Variants in EPHA3 observed in about 807,000 individuals in gnomAD.
EPHA3 encodes ephrin type-A receptor 3.
Under a neutral mutation model 107.1 loss-of-function variants are expected in EPHA3, and 42 were observed. That is an observed-to-expected ratio of 0.39 (90% CI 0.31 to 0.51). The LOEUF is 0.51. EPHA3 is among the 20% of genes least tolerant of loss of function. EPHA3 has a pLI of 0.78. For missense variants in EPHA3, 1,183 were observed against 1,211.2 expected (o/e 0.98, Z 0.35); for synonymous variants, 461 against 424.8 (o/e 1.09, Z -1.05).
chr3:89,451,715 T>G (rs1440903768), intron 15 of EPHA3, among the ~76,000 whole-genome samples: 7 of 152,184 alleles, frequency 4.6e-5, no homozygotes, highest in Admixed American at 4.6e-4. Flanking sequence ...CATAACCAGT[T>G]GCTTCTCAAT....
intron 1 of EPHA3, among the ~76,000 whole-genome samples, chr3:89,125,188 GA>G (rs1252809046): frequency 1.3e-5 from 2 of 151,680 alleles, no homozygotes; most frequent in Non-Finnish European, 3.0e-5. Context: ...ATTACTACCT[GA>G]ACACAATGAT....
chr3:89,131,333 A>G (rs1559745121), intron 2 of EPHA3, among the ~76,000 whole-genome samples: 2 of 152,184 alleles, frequency 1.3e-5, no homozygotes, highest in African/African-American at 4.8e-5. Context: ...TCTAATATTA[A>G]TATTTGATTT....
chr3:89,192,232 TATA>T (rs1336395198), intron 2 of EPHA3, among the ~76,000 whole-genome samples: 4 of 151,582 alleles, frequency 2.6e-5, no homozygotes, highest in African/African-American at 9.8e-5. Context: ...GAATCCTAGG[TATA>T]ATATTTTGTT....
chr3:89,436,074 G>C (rs1434132759), intron 13 of EPHA3, among the ~76,000 whole-genome samples: 1 of 151,880 alleles, frequency 6.6e-6, no homozygotes, highest in Non-Finnish European at 1.5e-5. Context: ...CCAGGAGGTT[G>C]AAGCTGCAGT....
intron 7 of EPHA3, chr3:89,400,122 T>C: frequency 1.1e-6 from 1 of 915,772 alleles, no homozygotes; most frequent in Non-Finnish European, 1.3e-6. Context: ...AAGGTAAAAT[T>C]ATGTCTATGG....
intron 11 of EPHA3, among the ~76,000 whole-genome samples, chr3:89,427,742 G>A (rs1709488562): frequency 6.6e-6 from 1 of 151,720 alleles, no homozygotes; most frequent in South Asian, 2.1e-4. Flanking sequence ...TGTTTTCTGG[G>A]TAGGAATCAG....
chr3:89,346,630 C>A (rs1707662764), intron 5 of EPHA3, among the ~76,000 whole-genome samples: 1 of 150,896 alleles, frequency 6.6e-6, no homozygotes, highest in South Asian at 2.1e-4. Context: ...TAATTAGATC[C>A]CATTTGTCAA....
At chr3:89,236,996 C>A (rs1017300165) in intron 3 of EPHA3, among the ~76,000 whole-genome samples, 1 of 152,126 alleles carries the variant, frequency 6.6e-6, no homozygotes, top group African/African-American at 2.4e-5. Context: ...AATTATGAAT[C>A]AATGAATCAA....
At chr3:89,406,071 T>C (rs1709049720) in intron 7 of EPHA3, among the ~76,000 whole-genome samples, 1 of 152,134 alleles carries the variant, frequency 6.6e-6, no homozygotes, top group African/African-American at 2.4e-5. Context: ...AGCATACAAA[T>C]AGAGACCAAA....
At chr3:89,213,577 T>C (rs1285625875) in intron 3 of EPHA3, among the ~76,000 whole-genome samples, 1 of 152,022 alleles carries the variant, frequency 6.6e-6, no homozygotes, top group Non-Finnish European at 1.5e-5. Context: ...AACGAATAGA[T>C]GATGAAGTAA....
chr3:89,445,517 A>G (rs1178096197), intron 13 of EPHA3, among the ~76,000 whole-genome samples: 1 of 152,210 alleles, frequency 6.6e-6, no homozygotes, highest in Admixed American at 6.5e-5. Context: ...CAATAGTAGT[A>G]TCTGGATAAA....
intron 3 of EPHA3, among the ~76,000 whole-genome samples, chr3:89,221,630 G>A (rs965807859): frequency 1.3e-5 from 2 of 152,094 alleles, no homozygotes; most frequent in African/African-American, 4.8e-5. Context: ...TGCCTACTAT[G>A]TACCCAGTGA....
chr3:89,127,737 C>T (rs1281530212), intron 2 of EPHA3, among the ~76,000 whole-genome samples: 1 of 151,678 alleles, frequency 6.6e-6, no homozygotes, highest in Non-Finnish European at 1.5e-5. Flanking sequence ...TCTTAATTTA[C>T]TTGTTTCAAA....
At chr3:89,377,592 A>G (rs960952236) in intron 5 of EPHA3, among the ~76,000 whole-genome samples, 1 of 152,152 alleles carries the variant, frequency 6.6e-6, no homozygotes, top group African/African-American at 2.4e-5. Context: ...TATTTGGAAA[A>G]TAGACTACCA....
chr3:89,130,504 T>C (rs1256690498), intron 2 of EPHA3, among the ~76,000 whole-genome samples: 1 of 152,078 alleles, frequency 6.6e-6, no homozygotes, highest in Non-Finnish European at 1.5e-5. Flanking sequence ...TGGTGAAGAG[T>C]AGTTCATTCC....
chr3:89,392,475 C>A (rs769779904), intron 5 of EPHA3, among the ~76,000 whole-genome samples: 45 of 151,616 alleles, frequency 3.0e-4, no homozygotes, highest in Non-Finnish European at 5.7e-4. Context: ...CATTTACTGG[C>A]AATTGCGATT....
In EPHA3 at chr3:89,289,437, A is replaced by T. The variant is rs191542978; in HGVS notation, c.815-51479A>T. On this transcript the variant is annotated intron_variant, in intron 3 of 16. Coordinates refer to ENST00000336596, the MANE Select transcript of EPHA3 (RefSeq NM_005233.6). ...GGGTGTTCTATGAAAATGAAAAAAA[A>T]TTATATGTAGTATATTAAAGTAATT... Among the ~76,000 whole-genome samples, 296 of 152,220 alleles carry T rather than the reference A, an allele frequency of 1.9e-3. 1 individual carries two copies. Among genetic ancestry groups the T allele is most frequent in the African/African-American group, 6.5e-3 (272 of 41,552 alleles).
intron 3 of EPHA3, among the ~76,000 whole-genome samples, chr3:89,296,683 C>T (rs921755616): frequency 4.6e-5 from 7 of 152,286 alleles, no homozygotes; most frequent in Admixed American, 3.9e-4. Flanking sequence ...GTTGCATTAG[C>T]TTCTACTAAG....
At chr3:89,116,917 C>T (rs772538844) in intron 1 of EPHA3, among the ~76,000 whole-genome samples, 1 of 151,702 alleles carries the variant, frequency 6.6e-6, no homozygotes, top group Admixed American at 6.6e-5. Context: ...ACTCATTTTC[C>T]TATTATTTGA....
Sources: allele counts gnomAD v4.1 joint callset (sites outside exome capture counted in the v4.1 genomes callset), GRCh38; gene constraint gnomAD v4.1.1; transcripts MANE v1.5; gene names NCBI Gene and HGNC (gene_info 2026-07-23, HGNC 2026-07-21).